The following FBN2 variants were observed in gnomAD, a reference collection of about 807,000 sequenced individuals.
The protein encoded by FBN2 is fibrillin 2.
In FBN2, 105 loss-of-function variants were observed where a neutral mutation model predicts 355.6. That is an observed-to-expected ratio of 0.30 (90% CI 0.25 to 0.35). The LOEUF is 0.35. Ranked by LOEUF, FBN2 falls within the 10% of genes least tolerant of loss-of-function variation. The pLI is 1.00. For missense variants in FBN2, 3,280 were observed against 3,758.7 expected (o/e 0.87, Z 3.33); for synonymous variants, 1,350 against 1,301.2 (o/e 1.04, Z -0.81).
chr5:128,455,044 G>A (rs1404948441), intron 6 of FBN2, among the ~76,000 whole-genome samples: 2 of 152,050 alleles, frequency 1.3e-5, no homozygotes, highest in African/African-American at 4.8e-5. Flanking sequence ...AAAAATTTTA[G>A]GAGCACCCTG....
intron 55 of FBN2, among the ~76,000 whole-genome samples, chr5:128,286,261 T>C (rs866382372): frequency 6.6e-6 from 1 of 152,222 alleles, no homozygotes; most frequent in East Asian, 1.9e-4. Context: ...ATTTTTTATA[T>C]GACACATGTA....
intron 49 of FBN2, 33 bp downstream of exon 49, chr5:128,291,496 G>T: frequency 6.2e-7 from 1 of 1,612,348 alleles, no homozygotes; most frequent in South Asian, 1.1e-5. Context: ...TTCTAAGCGT[G>T]AACTGTGACA....
At chr5:128,263,315 T>G (rs1351049660) in intron 63 of FBN2, 110 bp downstream of exon 63, 1 of 819,766 alleles carries the variant, frequency 1.2e-6, no homozygotes, top group Non-Finnish European at 2.1e-6. Context: ...TAATCAATGC[T>G]TTTGCGGTTT....
chr5:128,535,234 TAAG>T (rs1452657533), intron 2 of FBN2, among the ~76,000 whole-genome samples: 2 of 152,170 alleles, frequency 1.3e-5, no homozygotes, highest in African/African-American at 4.8e-5. Context: ...GTAGAAAAAA[TAAG>T]AAGAAATTAG....
rs374408176 is a variant in FBN2 at position 128,350,368 on chromosome 5, T to C, written c.2813-363A>G. Among the ~76,000 whole-genome samples, 4 of 152,164 alleles carry C rather than the reference T, an allele frequency of 2.6e-5. 1 individual carries two copies. Among genetic ancestry groups the C allele is most frequent in the South Asian group, 4.1e-4 (2 of 4,824 alleles). ...GAGTTGGAGACCCATCTGACCAACA[T>C]GGTGAAACCCCGTCTCTACTAAAAA... On this transcript the variant is annotated intron_variant, in intron 21 of 64. Coordinates refer to ENST00000262464, the MANE Select transcript of FBN2 (RefSeq NM_001999.4).
At chr5:128,519,765 G>GA (rs1756380005) in intron 4 of FBN2, among the ~76,000 whole-genome samples, 1 of 150,414 alleles carries the variant, frequency 6.6e-6, no homozygotes, top group African/African-American at 2.4e-5. Flanking sequence ...GGAAATGAAG[G>GA]AAAAAAGAGG....
At chr5:128,339,247 T>C (rs193024546) in intron 25 of FBN2, 186 bp from the exon 26 acceptor site, 3 of 599,556 alleles carry the variant, frequency 5.0e-6, no homozygotes, top group East Asian at 3.0e-5. Flanking sequence ...CTGCCAAAAC[T>C]GCCATGCCAA....
chr5:128,338,852 G>A, intron 26 of FBN2, 81 bp downstream of exon 26: 38 of 1,472,074 alleles, frequency 2.6e-5, no homozygotes, highest in Non-Finnish European at 3.5e-5. Context: ...TCACAGCCCA[G>A]AGATAAGCAA....
At chr5:128,289,299 C>T in intron 51 of FBN2, 47 bp from the exon 52 acceptor site, 1 of 1,606,820 alleles carries the variant, frequency 6.2e-7, no homozygotes, top group Non-Finnish European at 8.5e-7. Flanking sequence ...AAAAGATATG[C>T]CGGCCAGGCG....
chr5:128,264,540 A>G (rs1765070144), intron 62 of FBN2, among the ~76,000 whole-genome samples: 1 of 152,234 alleles, frequency 6.6e-6, no homozygotes, highest in African/African-American at 2.4e-5. Context: ...AAGTCTGATT[A>G]TGCTTTCAAC....
intron 7 of FBN2, among the ~76,000 whole-genome samples, chr5:128,426,421 T>C (rs930716746): frequency 6.6e-6 from 1 of 152,154 alleles, no homozygotes; most frequent in Non-Finnish European, 1.5e-5. Context: ...AAGCTGAAAG[T>C]GTTTTGAATA....
chr5:128,369,045 T>A, intron 16 of FBN2, 137 bp downstream of exon 16: 1 of 865,740 alleles, frequency 1.2e-6, no homozygotes, highest in Non-Finnish European at 1.9e-6. Flanking sequence ...GCCTCACATA[T>A]CAATACAGGA....
chr5:128,292,541 CA>C lies in FBN2; in HGVS notation c.6167-888del, dbSNP rs529900936. Among the ~76,000 whole-genome samples the C allele has an allele frequency of 1.8e-3, 278 of 152,226 alleles. 1 individual carries two copies. Among genetic ancestry groups the C allele is most frequent in the African/African-American group, 6.5e-3 (272 of 41,540 alleles). Reference sequence around the variant, plus strand: ...TCAATTTATGTTGGTAGAAGTTTAACAAAAGAGTCATCACATCCCTTCTATA... The same window carrying C: ...TCAATTTATGTTGGTAGAAGTTTAACAAAGAGTCATCACATCCCTTCTATA... On this transcript the variant is annotated intron_variant, in intron 48 of 64. Coordinates refer to ENST00000262464, the MANE Select transcript of FBN2 (RefSeq NM_001999.4).
At chr5:128,437,989 A>C (rs1308140760) in intron 7 of FBN2, among the ~76,000 whole-genome samples, 1 of 152,186 alleles carries the variant, frequency 6.6e-6, no homozygotes, top group Non-Finnish European at 1.5e-5. Flanking sequence ...TTTTTGTTTC[A>C]AAATGACTTA....
At chr5:128,486,037 T>C (rs989638334) in intron 5 of FBN2, among the ~76,000 whole-genome samples, 1 of 151,950 alleles carries the variant, frequency 6.6e-6, no homozygotes, top group Non-Finnish European at 1.5e-5. Flanking sequence ...TTTGGAGGCA[T>C]TTCTCAGAGT....
intron 25 of FBN2, among the ~76,000 whole-genome samples, chr5:128,339,431 G>C (rs574943364): frequency 1.7e-4 from 26 of 152,008 alleles, no homozygotes; most frequent in Admixed American, 7.9e-4. Flanking sequence ...CCTGGGCAAT[G>C]TAGGGAGACC....
intron 5 of FBN2, among the ~76,000 whole-genome samples, chr5:128,500,430 C>CT (rs149068555): frequency 0.011 from 557 of 51,192 alleles, 87 homozygotes; most frequent in Middle Eastern, 0.016. Context: ...TCTGACAATT[C>CT]TTTTTTTTTT....
intron 40 of FBN2, 83 bp from the exon 41 acceptor site, chr5:128,309,482 C>T (rs896859374): frequency 5.0e-6 from 6 of 1,198,268 alleles, no homozygotes; most frequent in Admixed American, 1.8e-5. Context: ...AGACATCAAG[C>T]TTTCCTGATG....
At position 128,537,871 on chromosome 5, in the gene FBN2, G is replaced by T; in HGVS notation, c.-268C>A. On this transcript the variant is annotated 5_prime_UTR_variant, in exon 1 of 65. Transcript: ENST00000262464. ...CAGCCGGCAGCCCCGAGCGGTACAC[G>T]TTGCATAACCGGCCTAAAGCCCCGA... 1.8e-6 allele frequency: 1 copy of T among 561,422 alleles called. No homozygotes were observed. Among genetic ancestry groups the T allele is most frequent in the Non-Finnish European group, 3.2e-6 (1 of 316,112 alleles). 34.8% of individuals were successfully genotyped at this position (561,422 alleles called of 1,614,324 possible).
Sources: allele counts gnomAD v4.1 joint callset (sites outside exome capture counted in the v4.1 genomes callset), GRCh38; gene constraint gnomAD v4.1.1; transcripts MANE v1.5; gene names NCBI Gene and HGNC (gene_info 2026-07-23, HGNC 2026-07-21).